The following HNRNPA1 variants were observed in gnomAD, a reference collection of about 807,000 sequenced individuals.
HNRNPA1 encodes the protein epididymis secretory sperm binding protein.
HNRNPA1 carries 7 observed loss-of-function variants against 44.4 expected under a neutral mutation model. The observed-to-expected ratio is 0.16, with a 90% confidence interval of 0.09 to 0.30. The LOEUF (loss-of-function observed/expected upper bound fraction) is 0.30, where lower values mean the gene tolerates loss of function less well. Among genes scored for constraint, HNRNPA1 ranks in the 10% least tolerant of loss-of-function variants. The pLI is 1.00. For synonymous variants in HNRNPA1, 169 were observed against 160.6 expected (o/e 1.05, Z -0.40); for missense variants, 193 against 465.8 (o/e 0.41, Z 5.39).
rs1479455377 is a variant in HNRNPA1 at position 54,284,220 on chromosome 12, G to A, written c.1064-38G>A. On this transcript the variant is annotated intron_variant, in intron 9 of 10. Transcript: ENST00000340913. ...CCCAAATATGAAAACATTACTGTTG[G>A]CACTTTGAAACTTTAAAAGAAAAAT... 5 of 1,596,600 alleles carry A rather than the reference G, an allele frequency of 3.1e-6. No homozygotes were observed. In the African/African-American group the frequency reaches 5.4e-5, roughly 17 times the overall value.
At chr12:54,281,628 C>T (rs1363583474) in intron 2 of HNRNPA1, 126 bp downstream of exon 2, 5 of 1,004,486 alleles carry the variant, frequency 5.0e-6, no homozygotes, top group South Asian at 2.8e-5. Context: ...GGCAAAGGAA[C>T]GTCCTGCTTT....
chr12:54,282,957 G>A, intron 7 of HNRNPA1, 83 bp downstream of exon 7: 1 of 1,481,054 alleles, frequency 6.8e-7, no homozygotes, highest in Non-Finnish European at 9.2e-7. Flanking sequence ...AAATTCTGGT[G>A]CATGTCAAAC....
In HNRNPA1 at chr12:54,285,187, G is replaced by A. The variant is rs1361884634; in HGVS notation, c.*643G>A. 1 of 153,598 alleles carries A rather than the reference G, an allele frequency of 6.5e-6. No homozygotes were observed. Among genetic ancestry groups the A allele is most frequent in the Non-Finnish European group, 1.5e-5 (1 of 68,720 alleles). The allele number at this position is 153,598 out of a possible 1,614,324, so 9.5% of individuals were successfully genotyped here. ...ATGGTACCAGATAAAATTATAGATG[G>A]GAATGAAGCTTGTGTATCCATTATC... On this transcript the variant is annotated 3_prime_UTR_variant, in exon 11 of 11. Transcript: ENST00000340913.
At chr12:54,284,349 AT>A in intron 10 of HNRNPA1, 32 bp downstream of exon 10, 1 of 1,583,272 alleles carries the variant, frequency 6.3e-7, no homozygotes, top group Non-Finnish European at 8.7e-7. Flanking sequence ...TGTTGACATA[AT>A]TTTTTAAATT....
At chr12:54,280,848 G>A (rs1165794614) in intron 1 of HNRNPA1, 26 bp downstream of exon 1, 1 of 1,613,820 alleles carries the variant, frequency 6.2e-7, no homozygotes, top group Non-Finnish European at 8.5e-7. Context: ...TTTCCCACTT[G>A]AATTTTTTCC....
At chr12:54,281,045 C>G in intron 1 of HNRNPA1, 1 of 709,064 alleles carries the variant, frequency 1.4e-6, no homozygotes. Flanking sequence ...TTACTCGTAG[C>G]AAAATTCTTA....
At position 54,283,077 on chromosome 12, in the gene HNRNPA1, A is replaced by T; in HGVS notation, c.752-2A>T. ...TTATTGAGAAGAATTGTATTCTTGTAGGTGGTTATGGAGGAGGCGGCCCTG... is the reference window on the plus strand; with the variant it reads ...TTATTGAGAAGAATTGTATTCTTGTTGGTGGTTATGGAGGAGGCGGCCCTG... On this transcript the variant is annotated splice_acceptor_variant, in intron 7 of 10. Coordinates refer to ENST00000340913, the MANE Select transcript of HNRNPA1 (RefSeq NM_031157.4). LOFTEE classifies it high-confidence loss of function. 1 of 1,612,516 alleles carries T rather than the reference A, an allele frequency of 6.2e-7. No individual in the cohort carries two copies. The highest frequency in any genetic ancestry group is 8.5e-7 in the Non-Finnish European group (1 of 1,179,560).
chr12:54,281,989 G>A, intron 3 of HNRNPA1, 48 bp downstream of exon 3: 1 of 1,607,634 alleles, frequency 6.2e-7, no homozygotes, highest in Non-Finnish European at 8.5e-7. Context: ...TTGGATATGT[G>A]CTGCTATGGA....
In HNRNPA1 at chr12:54,283,093, G is replaced by A; in HGVS notation, c.766G>A (p.Gly256Ser). 1 of 1,613,192 alleles carries A rather than the reference G, an allele frequency of 6.2e-7. No individual in the cohort carries two copies. Among genetic ancestry groups the A allele is most frequent in the Non-Finnish European group, 8.5e-7 (1 of 1,179,746 alleles). Reference protein sequence around the residue: ...GFGNDGGYGGGGPGYSGGSRG... With the variant: ...GFGNDGGYGGSGPGYSGGSRG... ...TATTCTTGTAGGTGGTTATGGAGGA[G>A]GCGGCCCTGGTTACTCTGGAGGAAG... Residue 256 changes from glycine (G) to serine (S), a missense_variant, in exon 8 of 11, where the codon GGC becomes AGC. Around this residue, in one of 2 missense-constraint regions of HNRNPA1, gnomAD observed 136 missense variants for 234.4 expected, o/e 0.58. Coordinates refer to ENST00000340913, the MANE Select transcript of HNRNPA1 (RefSeq NM_031157.4).
In HNRNPA1 at chr12:54,285,402, C is replaced by G. The variant is rs1342404229; in HGVS notation, c.*858C>G. 6.6e-6 allele frequency: 1 copy of G among 152,206 alleles called. No individual in the cohort carries two copies. Among genetic ancestry groups the G allele is most frequent in the Non-Finnish European group, 1.5e-5 (1 of 68,044 alleles). The allele number at this position is 152,206 out of a possible 1,614,324, so 9.4% of individuals were successfully genotyped here. A position where few individuals can be genotyped will look rare whatever the true frequency, so the allele number is the denominator to read the frequency against. On this transcript the variant is annotated 3_prime_UTR_variant, in exon 11 of 11. Transcript: ENST00000340913. ...TGCTGGCTAATGCCGCTCCATAAATCCGCAGATTTGAAGTGTCTGGGAGGC... is the reference window on the plus strand; with the variant it reads ...TGCTGGCTAATGCCGCTCCATAAATGCGCAGATTTGAAGTGTCTGGGAGGC...
At chr12:54,284,446 T>TA in intron 10 of HNRNPA1, 103 bp from the exon 11 acceptor site, 1 of 929,932 alleles carries the variant, frequency 1.1e-6, no homozygotes. Context: ...ATAAAGTTAA[T>TA]ATTCAGATCA....
Position 54,285,717 on chromosome 12 carries a change from A to G in HNRNPA1, c.*1173A>G, listed in dbSNP as rs1944254104. On this transcript the variant is annotated 3_prime_UTR_variant, in exon 11 of 11. Transcript: ENST00000340913. ...CTAAACCTTTAACAGTTAATATCCAATAATGTGTTATTTGTACATAGATTC... is the reference window on the plus strand; with the variant it reads ...CTAAACCTTTAACAGTTAATATCCAGTAATGTGTTATTTGTACATAGATTC... The G allele has an allele frequency of 1.3e-5, 2 of 152,162 alleles. No homozygotes were observed. The highest frequency in any genetic ancestry group is 2.1e-4 in the South Asian group (1 of 4,832). The allele number at this position is 152,162 out of a possible 1,614,324, so 9.4% of individuals were successfully genotyped here.
intron 3 of HNRNPA1, 27 bp from the exon 4 acceptor site, chr12:54,282,063 C>A (rs1194677234): frequency 6.2e-7 from 1 of 1,607,816 alleles, no homozygotes; most frequent in South Asian, 1.1e-5. Flanking sequence ...CTTTGCTAAT[C>A]TAAACCTATG....
intron 3 of HNRNPA1, 22 bp from the exon 4 acceptor site, chr12:54,282,068 C>T (rs757801153): frequency 8.7e-6 from 14 of 1,608,798 alleles, no homozygotes; most frequent in Middle Eastern, 1.7e-4. Context: ...CTAATCTAAA[C>T]CTATGGTTTT....
intron 8 of HNRNPA1, among the ~76,000 whole-genome samples, chr12:54,283,563 G>T (rs979305881): frequency 6.6e-6 from 1 of 152,082 alleles, no homozygotes; most frequent in African/African-American, 2.4e-5. Context: ...CAAGGCTGAA[G>T]GGTATGCTTG....
rs147199419 is a variant in HNRNPA1, at chr12:54,287,018, T to C, written c.*2474T>C. 1 of 152,294 alleles carries C rather than the reference T, an allele frequency of 6.6e-6. No homozygotes were observed. The highest frequency in any genetic ancestry group is 2.4e-5 in the African/African-American group (1 of 41,570). The allele number at this position is 152,294 out of a possible 1,614,324, so 9.4% of individuals were successfully genotyped here. On this transcript the variant is annotated 3_prime_UTR_variant, in exon 11 of 11. Transcript: ENST00000340913. ...CGTTATCACTGCCATGCAGTTTACA[T>C]GAGCTGTTCTGCAGCTCAAATTCCA...
intron 8 of HNRNPA1, 90 bp from the exon 9 acceptor site, chr12:54,283,722 C>G: frequency 7.8e-7 from 1 of 1,289,216 alleles, no homozygotes. Flanking sequence ...AGGCTGATAA[C>G]TCAACCTTAT....
intron 1 of HNRNPA1, chr12:54,281,142 C>T (rs1178903613): frequency 4.3e-6 from 3 of 699,792 alleles, no homozygotes; most frequent in African/African-American, 1.7e-5. Context: ...GGAGATGCAC[C>T]CCTACCGCCC....
chr12:54,284,264 A>G lies in HNRNPA1; in HGVS notation c.1070A>G (p.Tyr357Cys), dbSNP rs749085757. The G allele has an allele frequency of 9.3e-6, 15 of 1,613,978 alleles. No individual in the cohort carries two copies. Among genetic ancestry groups the G allele is most frequent in the South Asian group, 2.2e-5 (2 of 91,054 alleles). Reference protein sequence around the residue: ...YFAKPRNQGGYGGSSSSSSYG... With the variant: ...YFAKPRNQGGCGGSSSSSSYG... ...GAAAAATTGTACTTTTCAGGTGGCT[A>G]TGGCGGTTCCAGCAGCAGCAGTAGC... The change falls in exon 10 of 11, where the codon TAT becomes TGT. Residue 357 changes from tyrosine to cysteine, a missense_variant. Physicochemically the swap from Tyr to Cys is radical, Grantham distance 194. Transcript: ENST00000340913.
Sources: gnomAD v4.1 joint callset for allele counts (sites outside exome capture counted in the v4.1 genomes callset) on GRCh38, gnomAD v4.1.1 for gene constraint, gnomAD v4.1.1 regional missense constraint, MANE v1.5 for transcripts, NCBI Gene and HGNC (gene_info 2026-07-23, HGNC 2026-07-21) for gene names.